Variants in NAV2 observed in about 807,000 individuals in gnomAD.
NAV2 encodes helicase, APC down-regulated 1.
In NAV2, 54 loss-of-function variants were observed where a neutral mutation model predicts 223.2. The observed-to-expected ratio is 0.24, with a 90% CI of 0.19 to 0.30. NAV2 has a LOEUF of 0.30. Among genes scored for constraint, NAV2 ranks in the 10% least tolerant of loss-of-function variants. The pLI is 1.00. For synonymous variants in NAV2, 1,279 were observed against 1,239.3 expected, an observed-to-expected ratio of 1.03 and a Z score of -0.67; for missense variants, 2,806 against 3,147.5, an observed-to-expected ratio of 0.89 and a Z score of 2.60.
chr11:19,637,265 C>G (rs892917563), intron 1 of NAV2, among the ~76,000 whole-genome samples: 2 of 152,174 alleles, frequency 1.3e-5, no homozygotes, highest in African/African-American at 4.8e-5. Flanking sequence ...ATTTGGCCTC[C>G]TGGCCACATG....
chr11:19,762,249 A>G (rs1483422368), intron 1 of NAV2, among the ~76,000 whole-genome samples: 1 of 152,198 alleles, frequency 6.6e-6, no homozygotes, highest in Non-Finnish European at 1.5e-5. Context: ...TCTCAAAACA[A>G]ACAAACAAAA....
At chr11:19,439,203 T>C (rs188639015) in intron 1 of NAV2, among the ~76,000 whole-genome samples, 2 of 152,170 alleles carry the variant, frequency 1.3e-5, no homozygotes, top group African/African-American at 4.8e-5. Context: ...TTTTAGAAAC[T>C]CTCTGCCAGG....
At chr11:19,815,151 T>C (rs893409038) in intron 1 of NAV2, among the ~76,000 whole-genome samples, 9 of 151,966 alleles carry the variant, frequency 5.9e-5, no homozygotes, top group Non-Finnish European at 5.9e-5. Flanking sequence ...TGCATGAAGA[T>C]ACGTTTTCAC....
At chr11:19,401,741 A>C (rs1849694842) in intron 1 of NAV2, 1 of 152,236 alleles carries the variant, frequency 6.6e-6, no homozygotes, top group Non-Finnish European at 1.5e-5. Flanking sequence ...AAAAGCACAC[A>C]AGATATGTTT....
rs7126719 is a variant in NAV2 at position 19,383,469 on chromosome 11, G to A, written c.75+32442G>A. 8.7e-3 allele frequency among the ~76,000 whole-genome samples: 1,321 copies of A among 152,264 alleles called. 19 individuals are homozygous for A. The highest frequency in any genetic ancestry group is 0.03 in the African/African-American group (1,254 of 41,548). ...ATAAGTTATTTACATTGTTATAGCA[G>A]TCAGTTTCTCCCACCCCTGCTCCCA... On this transcript the variant is annotated intron_variant, in intron 1 of 37. Transcript: ENST00000360655.
intron 1 of NAV2, among the ~76,000 whole-genome samples, chr11:19,827,365 G>A (rs2152879437): frequency 6.6e-6 from 1 of 152,300 alleles, no homozygotes; most frequent in Middle Eastern, 3.4e-3. Flanking sequence ...ACCATAAATG[G>A]ATGAGTCTGT....
intron 6 of NAV2, among the ~76,000 whole-genome samples, chr11:19,918,767 G>C (rs2044018243): frequency 1.3e-5 from 2 of 152,164 alleles, no homozygotes; most frequent in Non-Finnish European, 2.9e-5. Context: ...AAAAGGTTTA[G>C]TTCTAGAAGT....
intron 10 of NAV2, among the ~76,000 whole-genome samples, chr11:19,960,300 G>A (rs193041846): frequency 8.5e-5 from 13 of 152,200 alleles, no homozygotes; most frequent in Non-Finnish European, 1.2e-4. Flanking sequence ...CTGGAGCTCC[G>A]GGTGGCTTAT....
At chr11:19,962,740 T>G (rs533657020) in intron 10 of NAV2, among the ~76,000 whole-genome samples, 2 of 152,270 alleles carry the variant, frequency 1.3e-5, no homozygotes, top group South Asian at 4.1e-4. Context: ...TCCAGAGAGC[T>G]GATGATTTTT....
chr11:19,648,503 G>A (rs1381433407), intron 1 of NAV2, among the ~76,000 whole-genome samples: 1 of 152,144 alleles, frequency 6.6e-6, no homozygotes, highest in African/African-American at 2.4e-5. Flanking sequence ...TTTCAGAATG[G>A]GGCCCAGTAG....
At chr11:19,837,951 TA>T (rs148598332) in intron 2 of NAV2, among the ~76,000 whole-genome samples, 4,388 of 152,220 alleles carry the variant, frequency 0.029, 196 homozygotes, top group African/African-American at 0.1. Flanking sequence ...AAATAAACAC[TA>T]AGCATAAGAA....
At chr11:19,935,749 T>C (rs58127986) in intron 7 of NAV2, among the ~76,000 whole-genome samples, 2,276 of 152,028 alleles carry the variant, frequency 0.015, 59 homozygotes, top group African/African-American at 0.051. Flanking sequence ...CTCATTTTAT[T>C]GAATCAAGTC....
At chr11:19,781,884 CTAAT>C (rs1262154158) in intron 1 of NAV2, among the ~76,000 whole-genome samples, 1 of 152,080 alleles carries the variant, frequency 6.6e-6, no homozygotes, top group Non-Finnish European at 1.5e-5. Context: ...CACTATCAAA[CTAAT>C]TAACACATCC....
chr11:19,939,602 G>A, intron 7 of NAV2, 59 bp from the exon 8 acceptor site: 1 of 1,376,558 alleles, frequency 7.3e-7, no homozygotes, highest in Non-Finnish European at 1.0e-6. Flanking sequence ...GACCACAGTG[G>A]TCCAGATGTG....
chr11:19,554,868 A>G (rs933326054), intron 1 of NAV2, among the ~76,000 whole-genome samples: 1 of 151,700 alleles, frequency 6.6e-6, no homozygotes, highest in African/African-American at 2.4e-5. Context: ...AATCACTTGA[A>G]CCCGGGAGGA....
intron 7 of NAV2, among the ~76,000 whole-genome samples, chr11:19,936,170 T>C (rs1279367894): frequency 1.3e-5 from 2 of 151,922 alleles, no homozygotes; most frequent in African/African-American, 4.8e-5. Context: ...CGCCCAGCCA[T>C]GAACTGTTCT....
At chr11:19,361,389 G>A (rs1853931193) in intron 1 of NAV2, among the ~76,000 whole-genome samples, 2 of 152,044 alleles carry the variant, frequency 1.3e-5, no homozygotes, top group African/African-American at 4.8e-5. Context: ...GGCATGACTG[G>A]GTGTCACATC....
chr11:19,646,093 C>A (rs1279115776), intron 1 of NAV2, among the ~76,000 whole-genome samples: 1 of 152,168 alleles, frequency 6.6e-6, no homozygotes, highest in Admixed American at 6.5e-5. Flanking sequence ...TTCTTAGAAC[C>A]TGCACCCACC....
Position 19,897,886 on chromosome 11 carries a change from T to TTTA in NAV2, c.931+5293_931+5294insTAT, listed in dbSNP as rs144642336. ...GCCACAGCTGTGCCTGACCTGTGAT[T>TTTA]TATATATATATATATATATGTGAGC... On this transcript the variant is annotated intron_variant, in intron 6 of 37. Coordinates refer to ENST00000349880, the MANE Select transcript of NAV2 (RefSeq NM_145117.5). Among the ~76,000 whole-genome samples the TTTA allele has an allele frequency of 8.2e-3, 993 of 120,686 alleles. 40 individuals carry two copies. Among genetic ancestry groups the TTTA allele is most frequent in the Middle Eastern group, 0.012 (3 of 248 alleles). The allele number at this position is 120,686 out of a possible 152,430, so 79.2% of individuals were successfully genotyped here.
Sources: gnomAD v4.1 joint callset for allele counts (sites outside exome capture counted in the v4.1 genomes callset) on GRCh38, gnomAD v4.1.1 for gene constraint, MANE v1.5 for transcripts, NCBI Gene and HGNC (gene_info 2026-07-23, HGNC 2026-07-21) for gene names.